The following UBE3B variants were observed in gnomAD, a reference collection of about 807,000 sequenced individuals.
The protein encoded by UBE3B is ubiquitin-protein ligase E3B.
In UBE3B, 80 loss-of-function variants were observed where a neutral mutation model predicts 132.3. The observed-to-expected ratio is 0.60, with a 90% CI of 0.50 to 0.73. The LOEUF (loss-of-function observed/expected upper bound fraction) is 0.73, where lower values mean the gene tolerates loss of function less well. Ranked by LOEUF, UBE3B falls within the 30% of genes least tolerant of loss-of-function variation. The pLI is 0.00. For synonymous variants in UBE3B, 487 were observed against 520.4 expected, an observed-to-expected ratio of 0.94 and a Z score of 0.87; for missense variants, 1,196 against 1,362.5, an observed-to-expected ratio of 0.88 and a Z score of 1.92.
chr12:109,490,623 A>C, intron 8 of UBE3B: 1 of 1,532,060 alleles, frequency 6.5e-7, no homozygotes, highest in Non-Finnish European at 8.7e-7. Context: ...ACCATAATTA[A>C]ACGGCTTCTA....
At chr12:109,504,665 G>A (rs1359019572) in intron 14 of UBE3B, among the ~76,000 whole-genome samples, 2 of 152,192 alleles carry the variant, frequency 1.3e-5, no homozygotes, top group Non-Finnish European at 2.9e-5. Flanking sequence ...TAAAGCCATG[G>A]GCTTTCAGCC....
At chr12:109,547,502 C>T in the UBE3B span, among the ~76,000 whole-genome samples, 1 of 152,268 alleles carries the variant, frequency 6.6e-6, no homozygotes, top group African/African-American at 2.4e-5. This position sits in a 1 kb window ranked among gnomAD's most constrained non-coding sequence, Gnocchi z 4.1. Context: ...CACGGTGGGG[C>T]ACCCAAGCCG....
At chr12:109,479,822 T>C (rs1875047844) in intron 1 of UBE3B, among the ~76,000 whole-genome samples, 1 of 152,224 alleles carries the variant, frequency 6.6e-6, no homozygotes, top group African/African-American at 2.4e-5. Context: ...GTGAAAGTTT[T>C]AAGATCGTCT....
downstream of UBE3B, among the ~76,000 whole-genome samples, chr12:109,537,016 T>C (rs1566122605): frequency 2.0e-5 from 3 of 152,192 alleles, no homozygotes; most frequent in African/African-American, 7.2e-5. Flanking sequence ...CACAGTAATA[T>C]TCTTTTTTTG....
chr12:109,501,614 C>T (rs73407594), intron 13 of UBE3B, 80 bp downstream of exon 13: 41,097 of 1,502,560 alleles, frequency 0.027, 2,721 homozygotes, highest in African/African-American at 0.24. Flanking sequence ...ATGGATGTTC[C>T]GCTGTGTTTG....
rs1401121673 is a variant in UBE3B at position 109,533,924 on chromosome 12, C to T, written c.3015+366C>T. 8 of 1,323,004 alleles carry T rather than the reference C, an allele frequency of 6.0e-6. No homozygotes were observed. In the South Asian group the frequency reaches 6.1e-5, roughly 10 times the overall value. The allele number at this position is 1,323,004 out of a possible 1,614,324, so 82.0% of individuals were successfully genotyped here. ...CTCAGGAGGCAGGCAGGCGCAGACTCGAATGCTACTCCTACCCCAGCAGGC... is the reference window on the plus strand; with the variant it reads ...CTCAGGAGGCAGGCAGGCGCAGACTTGAATGCTACTCCTACCCCAGCAGGC... On this transcript the variant is annotated intron_variant, in intron 27 of 27. Transcript: ENST00000342494.
At chr12:109,507,825 T>G (rs549651475) in intron 15 of UBE3B, 90 bp downstream of exon 15, 1 of 1,430,452 alleles carries the variant, frequency 7.0e-7, no homozygotes, top group East Asian at 2.3e-5. Context: ...GCTAATGTGA[T>G]TACTGCAAAC....
rs532622621 is a variant in UBE3B at position 109,486,087 on chromosome 12, C to T, written c.342+16C>T. ...TGAGCCTAAGGTAAGTGGACGGGAG[C>T]CGCAGTGTCTCCCACAAGCTCTTAA... On this transcript the variant is annotated intron_variant, in intron 5 of 27. Coordinates refer to ENST00000342494, the MANE Select transcript of UBE3B (RefSeq NM_130466.4). 4.1e-5 allele frequency: 64 copies of T among 1,556,622 alleles called. No individual in the cohort carries two copies. Among genetic ancestry groups the T allele is most frequent in the Non-Finnish European group, 5.5e-5 (63 of 1,150,290 alleles).
chr12:109,487,638 C>A (rs889333609), intron 6 of UBE3B, among the ~76,000 whole-genome samples: 1 of 152,244 alleles, frequency 6.6e-6, no homozygotes, highest in African/African-American at 2.4e-5. Context: ...CCTTGTTTAT[C>A]TGCTCTCTAT....
the UBE3B span, among the ~76,000 whole-genome samples, chr12:109,544,306 G>A: frequency 7.3e-5 from 11 of 151,306 alleles, 1 homozygote; most frequent in South Asian, 1.0e-3. Context: ...GAGGGAAGTT[G>A]GGGTGCTGGT....
At chr12:109,511,769 C>T (rs574264585) in intron 18 of UBE3B, among the ~76,000 whole-genome samples, 77 of 152,156 alleles carry the variant, frequency 5.1e-4, no homozygotes, top group African/African-American at 1.7e-3. Flanking sequence ...GCAAAGCCAC[C>T]GGAGGGCTGG....
At chr12:109,487,969 G>A (rs1592887686) in intron 6 of UBE3B, among the ~76,000 whole-genome samples, 1 of 152,110 alleles carries the variant, frequency 6.6e-6, no homozygotes. Flanking sequence ...ACTTACACTT[G>A]GTGAAACAAT....
rs59975102 is a variant in UBE3B at position 109,477,688 on chromosome 12, A to G, written c.-549A>G. The G allele has an allele frequency of 0.018, 3,583 of 198,712 alleles. 123 individuals are homozygous for G. The highest frequency in any genetic ancestry group is 0.079 in the African/African-American group (3,343 of 42,524). 12.3% of individuals were successfully genotyped at this position (198,712 alleles called of 1,614,324 possible). A position where few individuals can be genotyped will look rare whatever the true frequency, so the allele number is the denominator to read the frequency against. On this transcript the variant is annotated 5_prime_UTR_variant, in exon 1 of 28. Coordinates refer to ENST00000342494, the MANE Select transcript of UBE3B (RefSeq NM_130466.4). Reference sequence around the variant, plus strand: ...CGTCGGCTGCTGCCCCGGGTCTGGCAGAACTCGGGTGTTTTGGGCTGAGAC... The same window carrying G: ...CGTCGGCTGCTGCCCCGGGTCTGGCGGAACTCGGGTGTTTTGGGCTGAGAC...
At chr12:109,488,397 C>CTGT (rs1287452840) in intron 6 of UBE3B, among the ~76,000 whole-genome samples, 175 bp from the exon 7 acceptor site, 1 of 151,560 alleles carries the variant, frequency 6.6e-6, no homozygotes, top group Non-Finnish European at 1.5e-5. Flanking sequence ...GCCACATTCC[C>CTGT]TGTTATTTAA....
chr12:109,519,518 C>T (rs1323176743), intron 19 of UBE3B: 1 of 152,208 alleles, frequency 6.6e-6, no homozygotes, highest in Non-Finnish European at 1.5e-5. Context: ...TGTACCATCC[C>T]ATTTCATCCA....
chr12:109,510,435 C>G lies in UBE3B; in HGVS notation c.1833C>G (p.Thr611=), dbSNP rs370590020. 4.3e-6 allele frequency: 7 copies of G among 1,612,262 alleles called. No homozygotes were observed. The highest frequency in any genetic ancestry group is 5.9e-6 in the Non-Finnish European group (7 of 1,179,410). Residue 611 remains threonine (T), a synonymous_variant, in exon 17 of 28, where the codon ACC becomes ACG. Coordinates refer to ENST00000342494, the MANE Select transcript of UBE3B (RefSeq NM_130466.4). ...AGCGGGACTGCCGGCGGCGCTTCAC[C>G]CCCGAGGACCACTGGCTGCGAAAGT... The part of the protein sequence containing the change: ...LYERDCRRRF[T]PEDHWLRKDL...
In UBE3B at chr12:109,486,580, C is replaced by CA. The variant is rs201336062; in HGVS notation, c.447+28dup. The CA allele has an allele frequency of 0.024, 13,390 of 560,064 alleles. 28 individuals carry two copies. The highest frequency in any genetic ancestry group is 0.048 in the East Asian group (992 of 20,698). 34.7% of individuals were successfully genotyped at this position (560,064 alleles called of 1,614,324 possible). A position where few individuals can be genotyped will look rare whatever the true frequency, so the allele number is the denominator to read the frequency against. ...GATTTTCTCAAGCAGCTCAAGGTAA[C>CA]AAAAAAAAAAAAAAAAAAAAAAAGC... On this transcript the variant is annotated splice_donor_region_variant and intron_variant, in intron 6 of 27. Coordinates refer to ENST00000342494, the MANE Select transcript of UBE3B (RefSeq NM_130466.4).
chr12:109,520,200 C>T (rs1370398453), intron 19 of UBE3B: 2 of 152,248 alleles, frequency 1.3e-5, no homozygotes, highest in Non-Finnish European at 1.5e-5. Flanking sequence ...CCTCTCAAGT[C>T]GGGCCAACAG....
rs918149615 is a variant in UBE3B, at chr12:109,486,198, A to G, written c.342+127A>G. On this transcript the variant is annotated intron_variant, in intron 5 of 27. Transcript: ENST00000342494. ...TGCAAATAAGTAGTGGATGGAAAAC[A>G]TTACCAAAGTACAAATGATTCCTTA... 1.1e-4 allele frequency: 112 copies of G among 1,004,076 alleles called. No homozygotes were observed. The African/African-American group carries it at 1.6e-3, about 14-fold the overall frequency. 62.2% of individuals were successfully genotyped at this position (1,004,076 alleles called of 1,614,324 possible). A position where few individuals can be genotyped will look rare whatever the true frequency, so the allele number is the denominator to read the frequency against.
Sources: gnomAD v4.1 joint callset for allele counts (sites outside exome capture counted in the v4.1 genomes callset) on GRCh38, gnomAD v4.1.1 for gene constraint, Gnocchi (gnomAD v3.1) non-coding constraint, MANE v1.5 for transcripts, NCBI Gene and HGNC (gene_info 2026-07-23, HGNC 2026-07-21) for gene names.